Variants in OPRD1 observed in about 807,000 individuals in gnomAD.
OPRD1 encodes the protein delta-type opioid receptor.
In OPRD1, 19 loss-of-function variants were observed where a neutral mutation model predicts 17.5. That is an observed-to-expected ratio of 1.09 (90% CI 0.76 to 1.60). OPRD1 has a LOEUF of 1.60. Among genes scored for constraint, OPRD1 ranks in the 40% most tolerant of loss-of-function variants. The probability of loss-of-function intolerance (pLI) is 0.00; values close to 1 mark genes in which losing one functional copy is unlikely to be tolerated. For missense variants in OPRD1, 483 were observed against 547.2 expected, an observed-to-expected ratio of 0.88 and a Z score of 1.17; for synonymous variants, 256 against 240.9, an observed-to-expected ratio of 1.06 and a Z score of -0.58.
chr1:28,854,529 C>T (rs754971093), intron 1 of OPRD1, among the ~76,000 whole-genome samples: 11 of 151,968 alleles, frequency 7.2e-5, no homozygotes, highest in Non-Finnish European at 1.2e-4. Context: ...CCAAATCTGC[C>T]TTTTAGAGTG....
chr1:28,816,672 A>C (rs2088673035), intron 1 of OPRD1, among the ~76,000 whole-genome samples: 1 of 152,130 alleles, frequency 6.6e-6, no homozygotes, highest in South Asian at 2.1e-4. Flanking sequence ...GTCCCAAGGC[A>C]GAGCATCACC....
At chr1:28,838,402 T>A (rs2124273307) in intron 1 of OPRD1, among the ~76,000 whole-genome samples, 1 of 152,288 alleles carries the variant, frequency 6.6e-6, no homozygotes, top group African/African-American at 2.4e-5. Context: ...AGAACAGATT[T>A]TCTGTGTGAC....
chr1:28,854,364 C>G (rs1308074086), intron 1 of OPRD1, among the ~76,000 whole-genome samples: 2 of 151,912 alleles, frequency 1.3e-5, no homozygotes, highest in Non-Finnish European at 2.9e-5. Flanking sequence ...GTAGCTGGGT[C>G]TATAGGCACA....
At chr1:28,829,649 G>A (rs937718188) in intron 1 of OPRD1, among the ~76,000 whole-genome samples, 3 of 151,994 alleles carry the variant, frequency 2.0e-5, no homozygotes, top group Non-Finnish European at 4.4e-5. Context: ...GATTACAGGC[G>A]TGAGCCACCG....
Position 28,822,484 on chromosome 1 carries a change from TTGAC to T in OPRD1, c.227+9878_227+9881del, listed in dbSNP as rs748538090. Among the ~76,000 whole-genome samples, 12 of 152,040 alleles carry T rather than the reference TTGAC, an allele frequency of 7.9e-5. No individual in the cohort carries two copies. The East Asian group carries it at 1.4e-3, about 17-fold the overall frequency. ...GTTTGTTTATCGATTGATTGATTGATTGACTGATTGATTTTAGACGGAGTCTCAT... is the reference window on the plus strand; with the variant it reads ...GTTTGTTTATCGATTGATTGATTGATTGATTGATTTTAGACGGAGTCTCAT... On this transcript the variant is annotated intron_variant, in intron 1 of 2. Transcript: ENST00000234961.
At position 28,871,132 on chromosome 1, in the gene OPRD1, C is replaced by T. The variant is rs1002137595; in HGVS notation, c.*7849C>T. On this transcript the variant is annotated 3_prime_UTR_variant, in exon 3 of 3. Transcript: ENST00000234961. ...TAATAGGAGCTGCCCCAATTAGGGG[C>T]AGGGAGGCGGGCATGTAAAAAAGGA... 6.6e-6 allele frequency: 1 copy of T among 152,210 alleles called. No individual in the cohort carries two copies. Among genetic ancestry groups the T allele is most frequent in the East Asian group, 1.9e-4 (1 of 5,178 alleles). 9.4% of individuals were successfully genotyped at this position (152,210 alleles called of 1,614,324 possible).
intron 1 of OPRD1, among the ~76,000 whole-genome samples, chr1:28,841,817 G>A (rs989219318): frequency 4.0e-5 from 6 of 151,390 alleles, no homozygotes; most frequent in African/African-American, 1.5e-4. Flanking sequence ...GGGTTCAAGC[G>A]ATTCTCTTGC....
Position 28,865,983 on chromosome 1 carries a change from T to C in OPRD1, c.*2700T>C, listed in dbSNP as rs1352143733. On this transcript the variant is annotated 3_prime_UTR_variant, in exon 3 of 3. Transcript: ENST00000234961. ...TGTGTCTGTAACAGATCTGGCTGTT[T>C]TTTGCCCCTTCTGATATGTAAATCT... 2 of 152,206 alleles carry C rather than the reference T, an allele frequency of 1.3e-5. No homozygotes were observed. The highest frequency in any genetic ancestry group is 1.3e-4 in the Admixed American group (2 of 15,272). The allele number at this position is 152,206 out of a possible 1,614,324, so 9.4% of individuals were successfully genotyped here. A position where few individuals can be genotyped will look rare whatever the true frequency, so the allele number is the denominator to read the frequency against.
chr1:28,855,941 A>G (rs1423823739), intron 1 of OPRD1, among the ~76,000 whole-genome samples: 1 of 152,210 alleles, frequency 6.6e-6, no homozygotes, highest in Non-Finnish European at 1.5e-5. Flanking sequence ...GCCCTGGAGG[A>G]CAATGAGTGA....
At chr1:28,842,967 GA>G (rs985642016) in intron 1 of OPRD1, among the ~76,000 whole-genome samples, 2 of 149,010 alleles carry the variant, frequency 1.3e-5, no homozygotes, top group African/African-American at 4.9e-5. Flanking sequence ...AGCTACTTGG[GA>G]AAAAAAAAAG....
intron 1 of OPRD1, among the ~76,000 whole-genome samples, chr1:28,841,221 T>G (rs1211624240): frequency 2.0e-5 from 3 of 152,236 alleles, no homozygotes. Flanking sequence ...TGTCTCTCCC[T>G]GACCCCACCT....
At chr1:28,858,115 C>CTTTT (rs1233337916) in intron 1 of OPRD1, among the ~76,000 whole-genome samples, 1 of 112,960 alleles carries the variant, frequency 8.9e-6, no homozygotes, top group African/African-American at 3.4e-5. Flanking sequence ...CTTTTTTTTT[C>CTTTT]TTTTTTTTTT....
chr1:28,840,281 T>G (rs558692601), intron 1 of OPRD1, among the ~76,000 whole-genome samples: 1 of 151,730 alleles, frequency 6.6e-6, no homozygotes, highest in South Asian at 2.1e-4. Context: ...TGAGATAGAG[T>G]CTCGCTCTGT....
Position 28,812,557 on chromosome 1 carries a change from C to G in OPRD1, c.174C>G (p.Ala58=). The G allele has an allele frequency of 1.3e-6, 2 of 1,580,196 alleles. No individual in the cohort carries two copies. The highest frequency in any genetic ancestry group is 1.7e-6 in the Non-Finnish European group (2 of 1,169,984). ...TCGCCATCACCGCGCTCTACTCGGC[C>G]GTGTGCGCCGTGGGGCTGCTGGGCA... ...LAIAITALYS[A]VCAVGLLGNV... is the part of the protein sequence containing the mutation. The change falls in exon 1 of 3, where the codon GCC becomes GCG. Residue 58 remains alanine (A), a synonymous_variant. Coordinates refer to ENST00000234961, the MANE Select transcript of OPRD1 (RefSeq NM_000911.4).
intron 1 of OPRD1, among the ~76,000 whole-genome samples, chr1:28,838,807 C>G (rs1362958027): frequency 1.3e-5 from 2 of 152,184 alleles, no homozygotes; most frequent in Non-Finnish European, 2.9e-5. Context: ...AGTTAGAGCT[C>G]ACCCAAGATC....
chr1:28,825,708 C>T (rs1390668510), intron 1 of OPRD1, among the ~76,000 whole-genome samples: 3 of 152,190 alleles, frequency 2.0e-5, no homozygotes, highest in Non-Finnish European at 4.4e-5. Context: ...TTACACAGGG[C>T]AGCCTGGCCT....
chr1:28,819,472 C>T (rs760434160), intron 1 of OPRD1, among the ~76,000 whole-genome samples: 13 of 152,048 alleles, frequency 8.5e-5, no homozygotes, highest in Non-Finnish European at 1.8e-4. Context: ...AGACGCACTG[C>T]GGTGGGTCCA....
At chr1:28,852,867 C>T (rs1187909426) in intron 1 of OPRD1, among the ~76,000 whole-genome samples, 9 of 151,834 alleles carry the variant, frequency 5.9e-5, no homozygotes, top group South Asian at 2.1e-4. Context: ...TACAGGTGCC[C>T]GCCACCACAC....
Position 28,812,609 on chromosome 1 carries a change from C to G in OPRD1, c.226C>G (p.Arg76Gly). 6.6e-7 allele frequency: 1 copy of G among 1,508,292 alleles called. No homozygotes were observed. The allele number at this position is 1,508,292 out of a possible 1,614,324, so 93.4% of individuals were successfully genotyped here. A position where few individuals can be genotyped will look rare whatever the true frequency, so the allele number is the denominator to read the frequency against. Residue 76 changes from arginine to glycine, a missense_variant and splice_region_variant, in exon 1 of 3, where the codon CGG (arginine) becomes GGG (glycine). Transcript: ENST00000234961. ...GNVLVMFGIV[R>G]YTKMKTATNI... Reference sequence around the variant, plus strand: ...CGTGCTTGTCATGTTCGGCATCGTCCGGTGAGTCCGCTGCGGGCCGGCGCC... The same window carrying G: ...CGTGCTTGTCATGTTCGGCATCGTCGGGTGAGTCCGCTGCGGGCCGGCGCC...
Sources: gnomAD v4.1 joint callset for allele counts (sites outside exome capture counted in the v4.1 genomes callset) on GRCh38, gnomAD v4.1.1 for gene constraint, MANE v1.5 for transcripts, NCBI Gene and HGNC (gene_info 2026-07-23, HGNC 2026-07-21) for gene names.